The following HAUS3 variants were observed in gnomAD, a reference collection of about 807,000 sequenced individuals.
HAUS3 encodes HAUS augmin like complex subunit 3.
Under a neutral mutation model 55.2 loss-of-function variants are expected in HAUS3, and 36 were observed. That is an observed-to-expected ratio of 0.65 (90% CI 0.50 to 0.86). HAUS3 has a LOEUF of 0.86. Among genes scored for constraint, HAUS3 ranks in the 40% least tolerant of loss-of-function variants. The pLI, the probability that HAUS3 is intolerant of heterozygous loss-of-function variation, is 0.00. For synonymous variants in HAUS3, 234 were observed against 238.6 expected, an observed-to-expected ratio of 0.98 and a Z score of 0.18; for missense variants, 752 against 671.5, an observed-to-expected ratio of 1.12 and a Z score of -1.33.
rs1734589938 is a variant in HAUS3 at position 2,231,870 on chromosome 4, A to G, written c.*57T>C. 1 of 757,936 alleles carries G rather than the reference A, an allele frequency of 1.3e-6. No homozygotes were observed. Among genetic ancestry groups the G allele is most frequent in the Non-Finnish European group, 2.2e-6 (1 of 454,112 alleles). 47.0% of individuals were successfully genotyped at this position (757,936 alleles called of 1,614,324 possible). ...AAAAATTTAGTAGTGTTTATTATAC[A>G]CAGTCTTCTAATAAATAAAAGAGGA... On this transcript the variant is annotated 3_prime_UTR_variant, in exon 6 of 6. Coordinates refer to ENST00000443786, the MANE Select transcript of HAUS3 (RefSeq NM_001303143.2).
At chr4:2,239,676 C>A (rs1267925657) in intron 3 of HAUS3, among the ~76,000 whole-genome samples, 1 of 152,168 alleles carries the variant, frequency 6.6e-6, no homozygotes, top group Non-Finnish European at 1.5e-5. Context: ...CTGGTTGGAG[C>A]AAACGAGGCA....
In HAUS3 at chr4:2,228,990, G is replaced by A. The variant is rs553992396; in HGVS notation, c.*2937C>T. The A allele has an allele frequency of 7.2e-5, 79 of 1,090,140 alleles. No individual in the cohort carries two copies. The Middle Eastern group carries it at 2.3e-3, about 32-fold the overall frequency. 67.5% of individuals were successfully genotyped at this position (1,090,140 alleles called of 1,614,324 possible). On this transcript the variant is annotated 3_prime_UTR_variant, in exon 6 of 6. Coordinates refer to ENST00000443786, the MANE Select transcript of HAUS3 (RefSeq NM_001303143.2). ...TGCACTGAATGAGTGTAAAAGGGGC[G>A]GGAGCTGGGCTTCATCTGTCTACAT... is the stretch of plus-strand genomic sequence containing the variant.
rs1158449349 is a variant in HAUS3 at position 2,239,041 on chromosome 4, A to C, written c.912T>G (p.Ala304=). The C allele has an allele frequency of 6.7e-7, 1 of 1,481,666 alleles. No individual in the cohort carries two copies. Among genetic ancestry groups the C allele is most frequent in the Non-Finnish European group, 9.0e-7 (1 of 1,115,324 alleles). 91.8% of individuals were successfully genotyped at this position (1,481,666 alleles called of 1,614,324 possible). Residue 304 remains alanine, a splice_region_variant and synonymous_variant, in exon 4 of 6, where the codon GCT becomes GCG. Transcript: ENST00000443786. ...EESLHSLTSK[A]VDKENLDAKI... ...TAGCATCCAAATTTTCTTTGTCCACAGCCTATACAAAGAAAAGCAATTACA... is the reference window on the plus strand; with the variant it reads ...TAGCATCCAAATTTTCTTTGTCCACCGCCTATACAAAGAAAAGCAATTACA...
Position 2,240,664 on chromosome 4 carries a change from C to A in HAUS3, c.283G>T (p.Asp95Tyr). ...KTSDLKTPRL[D>Y]DKELEKLEDE... ...TCTAATTTCTCCAGCTCTTTATCAT[C>A]CAGTCTAGGTGTCTTCAAATCAGAA... Residue 95 changes from aspartate (D) to tyrosine (Y), a missense_variant, in exon 3 of 6, where the codon GAT becomes TAT. Transcript: ENST00000443786. 1 of 1,613,966 alleles carries A rather than the reference C, an allele frequency of 6.2e-7. No individual in the cohort carries two copies.
chr4:2,237,759 T>G (rs1362015241), intron 4 of HAUS3, among the ~76,000 whole-genome samples: 1 of 152,168 alleles, frequency 6.6e-6, no homozygotes, highest in Non-Finnish European at 1.5e-5. Context: ...AATGTAAAAT[T>G]TAAACAATGT....
Position 2,229,396 on chromosome 4 carries a change from TATAG to T in HAUS3, c.*2527_*2530del. On this transcript the variant is annotated 3_prime_UTR_variant, in exon 6 of 6. Coordinates refer to ENST00000443786, the MANE Select transcript of HAUS3 (RefSeq NM_001303143.2). ...AAAATAGGCATCAATCATCCAATAA[TATAG>T]ATAGAAAGAAAAAAGCAAAATAGCT... 2 of 595,344 alleles carry T rather than the reference TATAG, an allele frequency of 3.4e-6. No individual in the cohort carries two copies. Among genetic ancestry groups the T allele is most frequent in the South Asian group, 3.6e-5 (1 of 28,146 alleles). 36.9% of individuals were successfully genotyped at this position (595,344 alleles called of 1,614,324 possible). A position where few individuals can be genotyped will look rare whatever the true frequency, so the allele number is the denominator to read the frequency against.
At chr4:2,241,219 T>C (rs1371494165) in intron 2 of HAUS3, 126 bp from the exon 3 acceptor site, 3 of 341,678 alleles carry the variant, frequency 8.8e-6, no homozygotes, top group Non-Finnish European at 1.6e-5. Flanking sequence ...AGCTGCAATG[T>C]TTGATGATGA....
Position 2,231,958 on chromosome 4 carries a change from G to A in HAUS3, c.1781C>T (p.Ser594Leu), listed in dbSNP as rs558266032. The A allele has an allele frequency of 1.1e-5, 15 of 1,427,154 alleles. No homozygotes were observed. In the East Asian group the frequency reaches 2.8e-4, roughly 27 times the overall value. 88.4% of individuals were successfully genotyped at this position (1,427,154 alleles called of 1,614,324 possible). A position where few individuals can be genotyped will look rare whatever the true frequency, so the allele number is the denominator to read the frequency against. ...TTCAAGACTAACAGCCTTAATCTTT[G>A]ATTGAGTTTCTAAATTCTCCACAAT... ...KDIVENLETQ[S>L]KIKAVSLED Residue 594 changes from serine to leucine, a missense_variant, in exon 6 of 6, where the codon TCA (serine) becomes TTA (leucine). Ser to Leu is a moderately radical substitution (Grantham distance 145, BLOSUM62 -2). Transcript: ENST00000443786.
Position 2,240,246 on chromosome 4 carries a change from T to C in HAUS3, c.701A>G (p.Asn234Ser), listed in dbSNP as rs955432265. 3 of 1,613,606 alleles carry C rather than the reference T, an allele frequency of 1.9e-6. No homozygotes were observed. In the African/African-American group the frequency reaches 4.0e-5, roughly 22 times the overall value. ...ATCTAAAAGTTGAAAATTGTCTTCA[T>C]TTGAACTTTCAACTACTTCATGTAT... ...QGIHEVVESS[N>S]EDNFQLLDIQ... The change falls in exon 3 of 6, where the codon AAT becomes AGT. Residue 234 changes from asparagine to serine, a missense_variant. Coordinates refer to ENST00000443786, the MANE Select transcript of HAUS3 (RefSeq NM_001303143.2).
chr4:2,232,012 A>G lies in HAUS3; in HGVS notation c.1727T>C (p.Phe576Ser). 1 of 1,509,106 alleles carries G rather than the reference A, an allele frequency of 6.6e-7. No homozygotes were observed. The highest frequency in any genetic ancestry group is 9.2e-7 in the Non-Finnish European group (1 of 1,092,104). The allele number at this position is 1,509,106 out of a possible 1,614,324, so 93.5% of individuals were successfully genotyped here. A position where few individuals can be genotyped will look rare whatever the true frequency, so the allele number is the denominator to read the frequency against. Residue 576 changes from phenylalanine (F) to serine (S), a missense_variant, in exon 6 of 6, where the codon TTT becomes TCT. Phe to Ser is a radical substitution (Grantham distance 155, BLOSUM62 -2). Coordinates refer to ENST00000443786, the MANE Select transcript of HAUS3 (RefSeq NM_001303143.2). ...HQMEREFYVYFLKDEDYLKDI... is the reference protein window; with the variant it reads ...HQMEREFYVYSLKDEDYLKDI... ...TTTCAGATAATCTTCATCTTTTAAA[A>G]AATATACATAGAATTCTCTTTCCAT... is the stretch of plus-strand genomic sequence containing the variant.
Position 2,231,684 on chromosome 4 carries a change from C to A in HAUS3, c.*243G>T. On this transcript the variant is annotated 3_prime_UTR_variant, in exon 6 of 6. Coordinates refer to ENST00000443786, the MANE Select transcript of HAUS3 (RefSeq NM_001303143.2). ...AAAATATTTGCATTATGTAATAATG[C>A]TTTTTCCCTGTAAGTAAAAAATTAC... is the stretch of plus-strand genomic sequence containing the variant. 1 of 294,154 alleles carries A rather than the reference C, an allele frequency of 3.4e-6. No individual in the cohort carries two copies. Among genetic ancestry groups the A allele is most frequent in the South Asian group, 8.6e-5 (1 of 11,672 alleles). 18.2% of individuals were successfully genotyped at this position (294,154 alleles called of 1,614,324 possible). A position where few individuals can be genotyped will look rare whatever the true frequency, so the allele number is the denominator to read the frequency against.
rs1229580497 is a variant in HAUS3 at position 2,232,093 on chromosome 4, A to G, written c.1646T>C (p.Ile549Thr). The G allele has an allele frequency of 3.7e-6, 6 of 1,604,646 alleles. No individual in the cohort carries two copies. Among genetic ancestry groups the G allele is most frequent in the South Asian group, 1.1e-5 (1 of 88,690 alleles). ...TCTTTTTGTCTTCACATCAGCAAGA[A>G]TATCAGTGAGGAGATGATTTAGCTT... ...LNKLNHLLTD[I>T]LADVKTKRKT... The change falls in exon 6 of 6, where the codon ATT becomes ACT. Residue 549 changes from isoleucine (I) to threonine (T), a missense_variant. Ile to Thr is a moderately conservative substitution (Grantham distance 89, BLOSUM62 -1). Transcript: ENST00000443786.
chr4:2,231,986 C>A lies in HAUS3; in HGVS notation c.1753G>T (p.Asp585Tyr), dbSNP rs1391706893. ...YFLKDEDYLKDIVENLETQSK... is the reference protein window; with the variant it reads ...YFLKDEDYLKYIVENLETQSK... ...TGAGTTTCTAAATTCTCCACAATAT[C>A]TTTCAGATAATCTTCATCTTTTAAA... The change falls in exon 6 of 6, where the codon GAT becomes TAT. Residue 585 changes from aspartate (D) to tyrosine (Y), a missense_variant. Physicochemically the swap from Asp to Tyr is radical, Grantham distance 160 (BLOSUM62 -3). Transcript: ENST00000443786. 6.7e-7 allele frequency: 1 copy of A among 1,494,616 alleles called. No individual in the cohort carries two copies. The highest frequency in any genetic ancestry group is 9.3e-7 in the Non-Finnish European group (1 of 1,079,434). The allele number at this position is 1,494,616 out of a possible 1,614,324, so 92.6% of individuals were successfully genotyped here.
At chr4:2,236,850 G>A (rs1734784674) in intron 4 of HAUS3, among the ~76,000 whole-genome samples, 1 of 151,002 alleles carries the variant, frequency 6.6e-6, no homozygotes, top group Non-Finnish European at 1.5e-5. Context: ...GCGACAGAGT[G>A]AGACTCCGTC....
rs1462976670 is a variant in HAUS3, at chr4:2,232,066, T to C, written c.1673A>G (p.Lys558Arg). ...DILADVKTKR[K>R]TLANNKLHQM... is the part of the protein sequence containing the mutation. ...ATGTAATTTATTATTTGCCAAAGTTTTTCTTTTTGTCTTCACATCAGCAAG... is the reference window on the plus strand; with the variant it reads ...ATGTAATTTATTATTTGCCAAAGTTCTTCTTTTTGTCTTCACATCAGCAAG... Residue 558 changes from lysine to arginine, a missense_variant, in exon 6 of 6, where the codon AAA becomes AGA. By Grantham distance (26) the Lys-to-Arg change is conservative (BLOSUM62 2). Transcript: ENST00000443786. The C allele has an allele frequency of 1.3e-6, 2 of 1,595,014 alleles. No homozygotes were observed. The highest frequency in any genetic ancestry group is 4.5e-5 in the East Asian group (2 of 44,416).
At chr4:2,234,331 C>T (rs977410118) in intron 5 of HAUS3, 7 of 152,468 alleles carry the variant, frequency 4.6e-5, no homozygotes, top group African/African-American at 1.4e-4. Context: ...AGAACCAGAA[C>T]ATGAACTGCT....
rs776498991 is a variant in HAUS3, at chr4:2,240,665, C to T, written c.282G>A (p.Leu94=). The part of the protein sequence containing the change: ...CKTSDLKTPR[L]DDKELEKLED... ...CTAATTTCTCCAGCTCTTTATCATC[C>T]AGTCTAGGTGTCTTCAAATCAGAAG... The change falls in exon 3 of 6, where the codon CTG becomes CTA. Residue 94 remains leucine, a synonymous_variant. Coordinates refer to ENST00000443786, the MANE Select transcript of HAUS3 (RefSeq NM_001303143.2). 1 of 1,613,906 alleles carries T rather than the reference C, an allele frequency of 6.2e-7. No individual in the cohort carries two copies. Among genetic ancestry groups the T allele is most frequent in the Non-Finnish European group, 8.5e-7 (1 of 1,179,982 alleles).
At chr4:2,232,329 T>C (rs1734611943) in intron 5 of HAUS3, among the ~76,000 whole-genome samples, 169 bp from the exon 6 acceptor site, 1 of 151,558 alleles carries the variant, frequency 6.6e-6, no homozygotes, top group South Asian at 2.1e-4. Flanking sequence ...ATATAAATTC[T>C]AAGTAAGATT....
At position 2,238,797 on chromosome 4, in the gene HAUS3, G is replaced by A. The variant is rs776752816; in HGVS notation, c.1156C>T (p.Leu386Phe). ...TCAATTTCATATGATAACTGTAGAA[G>A]TTCAAATGATGCCTTTTGTTTTATT... ...QLIKQKASFE[L>F]LQLSYEIELR... Residue 386 changes from leucine (L) to phenylalanine (F), a missense_variant, in exon 4 of 6, where the codon CTT becomes TTT. By Grantham distance (22) the Leu-to-Phe change is conservative. Transcript: ENST00000443786. 1 of 1,613,272 alleles carries A rather than the reference G, an allele frequency of 6.2e-7. No homozygotes were observed. The highest frequency in any genetic ancestry group is 8.5e-7 in the Non-Finnish European group (1 of 1,179,430).
Sources: allele counts gnomAD v4.1 joint callset (sites outside exome capture counted in the v4.1 genomes callset), GRCh38; gene constraint gnomAD v4.1.1; transcripts MANE v1.5; gene names NCBI Gene and HGNC (gene_info 2026-07-23, HGNC 2026-07-21).